The following PTPRG variants were observed in gnomAD, a reference collection of about 807,000 sequenced individuals.
PTPRG encodes the protein protein tyrosine phosphatase receptor type G, also known as receptor-type tyrosine-protein phosphatase gamma.
PTPRG carries 102 observed loss-of-function variants against 165.3 expected under a neutral mutation model. The ratio of observed to expected loss-of-function variants is 0.62; its 90% CI spans 0.53 to 0.73. The LOEUF (loss-of-function observed/expected upper bound fraction) is 0.73, where lower values mean the gene tolerates loss of function less well. PTPRG is among the 30% of genes least tolerant of loss of function. The pLI is 0.00. For synonymous variants in PTPRG, 675 were observed against 669.5 expected (o/e 1.01, Z -0.13); for missense variants, 1,866 against 1,861.4 (o/e 1.00, Z -0.05).
At chr3:62,104,569 G>A (rs1469048606) in intron 5 of PTPRG, among the ~76,000 whole-genome samples, 2 of 152,222 alleles carry the variant, frequency 1.3e-5, no homozygotes, top group African/African-American at 4.8e-5. Context: ...GCAACAGGCA[G>A]TAATAGGCTA....
chr3:61,665,464 A>T (rs902630420), intron 1 of PTPRG, among the ~76,000 whole-genome samples: 12 of 129,954 alleles, frequency 9.2e-5, no homozygotes, highest in Non-Finnish European at 1.5e-4. Context: ...TGAATTGTAA[A>T]TAAATACACA....
At chr3:61,910,391 C>T (rs535750238) in intron 2 of PTPRG, among the ~76,000 whole-genome samples, 1 of 152,292 alleles carries the variant, frequency 6.6e-6, no homozygotes, top group African/African-American at 2.4e-5. Flanking sequence ...ACCAAAGATT[C>T]TCATTGCCTC....
intron 2 of PTPRG, among the ~76,000 whole-genome samples, chr3:61,757,788 T>G (rs1450141014): frequency 6.6e-6 from 1 of 152,214 alleles, no homozygotes; most frequent in Non-Finnish European, 1.5e-5. Context: ...TCAAACATCT[T>G]TTTTCTTGGT....
Position 61,642,499 on chromosome 3 carries a change from A to G in PTPRG, c.85+80127A>G, listed in dbSNP as rs1702095264. Among the ~76,000 whole-genome samples, 8 of 152,240 alleles carry G rather than the reference A, an allele frequency of 5.3e-5. No individual in the cohort carries two copies. In the South Asian group the frequency reaches 1.7e-3, roughly 32 times the overall value. On this transcript the variant is annotated intron_variant, in intron 1 of 29. Coordinates refer to ENST00000474889, the MANE Select transcript of PTPRG (RefSeq NM_002841.4). The stretch of plus-strand genomic sequence containing the variant: ...TCTACAAGCTGGTGACTGGACCCAC[A>G]ATACCCAGAAGAGGTCTGCATTTTG...
chr3:61,802,173 A>C (rs2035269746), intron 2 of PTPRG, among the ~76,000 whole-genome samples: 1 of 152,190 alleles, frequency 6.6e-6, no homozygotes, highest in South Asian at 2.1e-4. Context: ...AATTTTTAAA[A>C]ATGGAAATTA....
rs2040470157 is a variant in PTPRG at position 61,975,050 on chromosome 3, T to A, written c.191-14575T>A. 2.2e-5 allele frequency among the ~76,000 whole-genome samples: 3 copies of A among 134,326 alleles called. No individual in the cohort carries two copies. In the South Asian group the frequency reaches 7.6e-4, roughly 34 times the overall value. The allele number at this position is 134,326 out of a possible 152,430, so 88.1% of individuals were successfully genotyped here. On this transcript the variant is annotated intron_variant, in intron 2 of 29. Transcript: ENST00000474889. ...TACTTGCTTGATGGTGTGATCTAAATACCAAATAGCATAACCTTTCTGGCT... is the reference window on the plus strand; with the variant it reads ...TACTTGCTTGATGGTGTGATCTAAAAACCAAATAGCATAACCTTTCTGGCT...
intron 4 of PTPRG, among the ~76,000 whole-genome samples, chr3:62,012,326 T>G (rs938954215): frequency 6.6e-6 from 1 of 152,168 alleles, no homozygotes; most frequent in Non-Finnish European, 1.5e-5. Flanking sequence ...AATTCTGCTG[T>G]TTTTCTTGTC....
Position 62,019,166 on chromosome 3 carries a change from C to T in PTPRG, c.519+15669C>T, listed in dbSNP as rs36027090. ...TTTTCTAAAATCAAATTCCTGAGGTCCCTCTGCGACCTCCTGAATCAGATG... is the reference window on the plus strand; with the variant it reads ...TTTTCTAAAATCAAATTCCTGAGGTTCCTCTGCGACCTCCTGAATCAGATG... On this transcript the variant is annotated intron_variant, in intron 4 of 29. Transcript: ENST00000474889. Among the ~76,000 whole-genome samples the T allele has an allele frequency of 6.0e-3, 909 of 152,236 alleles. 4 individuals are homozygous for T. The highest frequency in any genetic ancestry group is 0.01 in the Non-Finnish European group (690 of 68,020).
At chr3:61,850,687 T>C (rs190033201) in intron 2 of PTPRG, among the ~76,000 whole-genome samples, 1 of 152,326 alleles carries the variant, frequency 6.6e-6, no homozygotes, top group East Asian at 1.9e-4. Context: ...GTTTATATTG[T>C]TTATATTTTT....
At chr3:61,809,655 C>T (rs2035515740) in intron 2 of PTPRG, among the ~76,000 whole-genome samples, 1 of 152,130 alleles carries the variant, frequency 6.6e-6, no homozygotes, top group Non-Finnish European at 1.5e-5. Context: ...AGCAGGTTAT[C>T]TGGCACGTTG....
intron 1 of PTPRG, among the ~76,000 whole-genome samples, chr3:61,718,954 T>A (rs1336213496): frequency 6.6e-6 from 1 of 151,262 alleles, no homozygotes; most frequent in African/African-American, 2.5e-5. Context: ...TTGTACCTCT[T>A]ATAGCTTTGT....
chr3:61,740,583 A>G (rs2106878222), intron 1 of PTPRG, among the ~76,000 whole-genome samples: 1 of 152,236 alleles, frequency 6.6e-6, no homozygotes, highest in Non-Finnish European at 1.5e-5. Flanking sequence ...GACACTATTT[A>G]AGAGTAAAAT....
At chr3:62,060,831 G>A (rs1395595031) in intron 4 of PTPRG, among the ~76,000 whole-genome samples, 1 of 152,118 alleles carries the variant, frequency 6.6e-6, no homozygotes, top group African/African-American at 2.4e-5. Flanking sequence ...AAGGTTTTCT[G>A]CCCTCCTTTA....
chr3:62,014,892 G>A (rs561763320), intron 4 of PTPRG, among the ~76,000 whole-genome samples: 1 of 152,296 alleles, frequency 6.6e-6, no homozygotes, highest in Admixed American at 6.5e-5. Flanking sequence ...CTGCCTAAAA[G>A]TTGACTTAGG....
chr3:62,069,874 G>A (rs1478188680), intron 4 of PTPRG, among the ~76,000 whole-genome samples: 2 of 152,046 alleles, frequency 1.3e-5, no homozygotes, highest in Admixed American at 1.3e-4. Flanking sequence ...AAGACCTCAG[G>A]TCTTCAGCTG....
rs1212208261 is a variant in PTPRG at position 62,195,506 on chromosome 3, C to T, written c.1327+336C>T. ...CTTCCAAGTTGTACCGCTGAATATC[C>T]TCTTTGTCTTTCTAACGTGATTCAG... On this transcript the variant is annotated intron_variant, in intron 10 of 29. Transcript: ENST00000474889. This position sits in a 1 kb window ranked among gnomAD's most constrained non-coding sequence, Gnocchi z 4.4. Among the ~76,000 whole-genome samples, 1 of 152,160 alleles carries T rather than the reference C, an allele frequency of 6.6e-6. No homozygotes were observed. The highest frequency in any genetic ancestry group is 2.4e-5 in the African/African-American group (1 of 41,448).
rs1259687591 is a variant in PTPRG, at chr3:61,921,154, T to TCCTTCCTTCCTTCCTTCCTTCTTA, written c.191-68462_191-68461insCTTCCTTCCTTCTTACCTTCCTTC. Among the ~76,000 whole-genome samples, 54 of 150,904 alleles carry TCCTTCCTTCCTTCCTTCCTTCTTA rather than the reference T, an allele frequency of 3.6e-4. No homozygotes were observed. In the South Asian group the frequency reaches 5.8e-3, roughly 16 times the overall value. On this transcript the variant is annotated intron_variant, in intron 2 of 29. Transcript: ENST00000474889. ...TTCCTTCCTTCCTTCCTTCCTTCCT[T>TCCTTCCTTCCTTCCTTCCTTCTTA]CCTTCCTTCTTACCTATCTACAGCT... is the stretch of plus-strand genomic sequence containing the variant.
intron 28 of PTPRG, among the ~76,000 whole-genome samples, chr3:62,283,537 T>C (rs1435194879): frequency 6.6e-6 from 1 of 152,108 alleles, no homozygotes; most frequent in East Asian, 1.9e-4. Flanking sequence ...GGCCTGTAAG[T>C]CAGTTGTATA....
At chr3:61,637,552 C>A (rs115958065) in intron 1 of PTPRG, among the ~76,000 whole-genome samples, 247 of 152,268 alleles carry the variant, frequency 1.6e-3, no homozygotes, top group Non-Finnish European at 3.1e-3. Flanking sequence ...TCAAGCAGAA[C>A]GCTTTCTGTT....
Sources: allele counts gnomAD v4.1 joint callset (sites outside exome capture counted in the v4.1 genomes callset), GRCh38; gene constraint gnomAD v4.1.1; non-coding constraint Gnocchi (gnomAD v3.1); transcripts MANE v1.5; gene names NCBI Gene and HGNC (gene_info 2026-07-23, HGNC 2026-07-21).